ARR3: variants seen among roughly 807,000 people sequenced by gnomAD.
ARR3 encodes the protein arrestin-C.
ARR3 carries 14 observed loss-of-function variants against 35.4 expected under a neutral mutation model. The observed-to-expected ratio is 0.40, with a 90% CI of 0.26 to 0.62. The LOEUF (loss-of-function observed/expected upper bound fraction) is 0.62. Among genes scored for constraint, ARR3 ranks in the 20% least tolerant of loss-of-function variants. ARR3 has a pLI of 0.46. For synonymous variants in ARR3, 97 were observed against 119.1 expected (o/e 0.81, Z 1.21); for missense variants, 259 against 303.8 (o/e 0.85, Z 1.10).
intron 16 of ARR3, 65 bp downstream of exon 16, chrX:70,281,173 C>T (rs372082649): frequency 1.1e-5 from 13 of 1,172,213 alleles, no homozygotes; most frequent in South Asian, 3.7e-5. Flanking sequence ...CATGTTATGA[C>T]GATAGAAATG....
chrX:70,281,346 C>T, intron 16 of ARR3: 1 of 454,318 alleles, frequency 2.2e-6, no homozygotes, highest in South Asian at 3.4e-5. Context: ...CCCTCATCCC[C>T]TTCCCATTTT....
rs1490088530 is a variant in ARR3 at position 70,281,079 on chromosome X, C to A, written c.1067-20C>A. On this transcript the variant is annotated intron_variant, in intron 15 of 16. Transcript: ENST00000307959. ...CAGCTTCAGCTCCATTTTTTCCCTC[C>A]GTCTCCATGCTTGCTACAGAGGCCG... 1.7e-6 allele frequency: 2 copies of A among 1,208,930 alleles called. No homozygotes were observed. The highest frequency in any genetic ancestry group is 2.2e-6 in the Non-Finnish European group (2 of 894,486).
chrX:70,276,766 G>A (rs2085655066), intron 8 of ARR3, 30 bp downstream of exon 8: 1 of 1,156,072 alleles, frequency 8.6e-7, no homozygotes. Flanking sequence ...AAAAATCCCT[G>A]CCTCCAGCCT....
chrX:70,278,418 T>C (rs1227468203), intron 11 of ARR3, 86 bp from the exon 12 acceptor site: 3 of 1,066,904 alleles, frequency 2.8e-6, no homozygotes, highest in Non-Finnish European at 3.8e-6. Context: ...GGTTCTTGTA[T>C]AATCTTGTAC....
intron 11 of ARR3, 146 bp downstream of exon 11, chrX:70,278,284 T>C: frequency 1.5e-6 from 1 of 672,641 alleles, no homozygotes; most frequent in Non-Finnish European, 2.2e-6. Context: ...ATGGAGGGGA[T>C]GCAACTTACC....
Position 70,269,855 on chromosome X carries a change from C to G in ARR3, c.52C>G (p.Leu18Val), listed in dbSNP as rs1240502132. 2 of 1,209,072 alleles carry G rather than the reference C, an allele frequency of 1.7e-6. No individual in the cohort carries two copies. The highest frequency in any genetic ancestry group is 2.2e-6 in the Non-Finnish European group (2 of 894,143). ...TGTTCCACAACAGCTCTCCATCTAC[C>G]TGGGGAAACGGGACTTCGTGGACCA... The part of the protein sequence containing the change: ...TSSNGKLSIY[L>V]GKRDFVDHVD... Residue 18 changes from leucine (L) to valine (V), a missense_variant, in exon 4 of 17, where the codon CTG becomes GTG. Physicochemically the swap from Leu to Val is conservative, Grantham distance 32. Coordinates refer to ENST00000307959, the MANE Select transcript of ARR3 (RefSeq NM_004312.3).
chrX:70,278,120 T>C lies in ARR3; in HGVS notation c.749T>C (p.Val250Ala). The C allele has an allele frequency of 8.3e-7, 1 of 1,209,167 alleles. No individual in the cohort carries two copies. Among genetic ancestry groups the C allele is most frequent in the Non-Finnish European group, 1.1e-6 (1 of 894,639 alleles). The change falls in exon 11 of 17, where the codon GTG becomes GCG. Residue 250 changes from valine to alanine, a missense_variant. By Grantham distance (64) the Val-to-Ala change is moderately conservative (BLOSUM62 0). Coordinates refer to ENST00000307959, the MANE Select transcript of ARR3 (RefSeq NM_004312.3). ...TCACTAGACAAGTACACCAAGACTG[T>C]GTTCATTCAGGAATTCACGTGAGCT... ...LYSLDKYTKT[V>A]FIQEFTETVA...
At position 70,269,359 on chromosome X, in the gene ARR3, A is replaced by G; in HGVS notation, c.-27A>G. The G allele has an allele frequency of 8.3e-7, 1 of 1,205,799 alleles. No homozygotes were observed. The highest frequency in any genetic ancestry group is 1.1e-6 in the Non-Finnish European group (1 of 892,911). ...TTTCTTCTTTCCCTTTTCCCAGAAA[A>G]GGCTCAACATCAACTATATAGCCAA... is the stretch of plus-strand genomic sequence containing the variant. On this transcript the variant is annotated 5_prime_UTR_variant, in exon 2 of 17. Transcript: ENST00000307959.
chrX:70,277,683 C>T (rs770716562), intron 9 of ARR3, 33 bp from the exon 10 acceptor site: 2 of 1,192,275 alleles, frequency 1.7e-6, no homozygotes, highest in East Asian at 3.0e-5. Flanking sequence ...ATTCGTCCTC[C>T]AGCCTTGACA....
intron 5 of ARR3, among the ~76,000 whole-genome samples, chrX:70,274,466 G>A (rs183454768): frequency 8.9e-6 from 1 of 112,253 alleles, no homozygotes; most frequent in East Asian, 2.8e-4. Flanking sequence ...CTCCCAAAGA[G>A]CTGGGATTAC....
intron 13 of ARR3, 44 bp downstream of exon 13, chrX:70,280,322 C>T (rs2085674053): frequency 8.7e-7 from 1 of 1,146,677 alleles, no homozygotes; most frequent in Non-Finnish European, 1.2e-6. Context: ...GCTGAAGAGT[C>T]AAGGGCTTTT....
intron 5 of ARR3, among the ~76,000 whole-genome samples, 186 bp downstream of exon 5, chrX:70,270,330 C>T (rs974219377): frequency 1.8e-5 from 2 of 112,129 alleles, no homozygotes; most frequent in Non-Finnish European, 3.8e-5. Context: ...GAGCTGTAAA[C>T]GAAGCTCAAA....
At chrX:70,272,268 C>T (rs1206445086) in intron 5 of ARR3, among the ~76,000 whole-genome samples, 1 of 111,011 alleles carries the variant, frequency 9.0e-6, no homozygotes, top group Non-Finnish European at 1.9e-5. Flanking sequence ...TAATTGAGAA[C>T]CAAGGTGAAT....
chrX:70,275,074 G>A (rs370126384), intron 5 of ARR3, among the ~76,000 whole-genome samples: 41 of 111,997 alleles, frequency 3.7e-4, no homozygotes, highest in African/African-American at 1.2e-3. Context: ...TTGATGCGAC[G>A]GCCATTATCA....
chrX:70,273,373 C>A (rs1292725611), intron 5 of ARR3, among the ~76,000 whole-genome samples: 1 of 109,643 alleles, frequency 9.1e-6, no homozygotes, highest in Non-Finnish European at 1.9e-5. Flanking sequence ...AGGTGCCCAC[C>A]ACCACGCCCG....
intron 12 of ARR3, 21 bp downstream of exon 12, chrX:70,278,662 C>T (rs369786682): frequency 1.3e-5 from 16 of 1,198,165 alleles, no homozygotes; most frequent in Admixed American, 2.2e-5. Flanking sequence ...ATATAACTCT[C>T]AGCCTCCATT....
chrX:70,273,500 G>A (rs1307702799), intron 5 of ARR3, among the ~76,000 whole-genome samples: 1 of 111,884 alleles, frequency 8.9e-6, no homozygotes, highest in Admixed American at 9.4e-5. Context: ...GGGATTACAG[G>A]CGTGAGCCAC....
intron 5 of ARR3, among the ~76,000 whole-genome samples, chrX:70,274,273 C>A (rs956893051): frequency 2.8e-5 from 3 of 106,313 alleles, no homozygotes; most frequent in Non-Finnish European, 5.8e-5. Context: ...GCAATCTCAG[C>A]TCACTGCAAC....
chrX:70,276,385 G>A (rs764813298), intron 6 of ARR3, 48 bp from the exon 7 acceptor site: 1 of 1,197,491 alleles, frequency 8.4e-7, no homozygotes, highest in African/African-American at 1.7e-5. Flanking sequence ...TTTTGTATTT[G>A]TTTGTATTCT....
Sources: allele counts gnomAD v4.1 joint callset (sites outside exome capture counted in the v4.1 genomes callset), GRCh38; gene constraint gnomAD v4.1.1; transcripts MANE v1.5; gene names NCBI Gene and HGNC (gene_info 2026-07-23, HGNC 2026-07-21).